SPOCK1: variants seen among roughly 807,000 people sequenced by gnomAD.
The protein encoded by SPOCK1 is SPARC (osteonectin), cwcv and kazal like domains proteoglycan 1.
In SPOCK1, 23 loss-of-function variants were observed where a neutral mutation model predicts 55.3. The ratio of observed to expected loss-of-function variants is 0.42; its 90% CI spans 0.30 to 0.59. SPOCK1 has a LOEUF of 0.59. Ranked by LOEUF, SPOCK1 falls within the 20% of genes least tolerant of loss-of-function variation. The probability of loss-of-function intolerance (pLI) is 0.22; values close to 1 mark genes in which losing one functional copy is unlikely to be tolerated. For synonymous variants in SPOCK1, 226 were observed against 221.0 expected, an observed-to-expected ratio of 1.02 and a Z score of -0.20; for missense variants, 499 against 552.5, an observed-to-expected ratio of 0.90 and a Z score of 0.97.
At chr5:137,480,585 T>C (rs11748181) in intron 2 of SPOCK1, among the ~76,000 whole-genome samples, 1,751 of 152,230 alleles carry the variant, frequency 0.012, 14 homozygotes, top group Middle Eastern at 0.024. Flanking sequence ...CCAACTATCA[T>C]TACTGAGAGG....
At chr5:137,386,994 G>T (rs1220011412) in intron 2 of SPOCK1, among the ~76,000 whole-genome samples, 1 of 152,136 alleles carries the variant, frequency 6.6e-6, no homozygotes, top group Non-Finnish European at 1.5e-5. Flanking sequence ...AAAAAAATAA[G>T]TCAAAGACCT....
chr5:137,124,617 A>G (rs563581091), intron 4 of SPOCK1, among the ~76,000 whole-genome samples: 2 of 152,302 alleles, frequency 1.3e-5, no homozygotes, highest in South Asian at 4.1e-4. Flanking sequence ...CCTCATCGAG[A>G]CAGTCAGCAG....
chr5:137,287,173 A>G (rs1413616729), intron 2 of SPOCK1, among the ~76,000 whole-genome samples: 2 of 152,184 alleles, frequency 1.3e-5, no homozygotes, highest in Non-Finnish European at 2.9e-5. Context: ...ATGGGGACAT[A>G]CAAGTCCCCA....
intron 2 of SPOCK1, among the ~76,000 whole-genome samples, chr5:137,432,651 A>C (rs1752774184): frequency 6.6e-6 from 1 of 152,220 alleles, no homozygotes; most frequent in African/African-American, 2.4e-5. Context: ...GACGAAAAAA[A>C]TTCTGGAGCT....
intron 2 of SPOCK1, 73 bp downstream of exon 2, chr5:137,498,300 A>T (rs868253121): frequency 7.8e-7 from 1 of 1,273,890 alleles, no homozygotes; most frequent in Non-Finnish European, 1.0e-6. Flanking sequence ...ACACACACAC[A>T]CCCCAACCCC....
At chr5:137,284,055 T>C (rs1757219885) in intron 2 of SPOCK1, among the ~76,000 whole-genome samples, 1 of 152,210 alleles carries the variant, frequency 6.6e-6, no homozygotes. Context: ...TATTCCACAA[T>C]ATCAGCACAA....
intron 2 of SPOCK1, among the ~76,000 whole-genome samples, chr5:137,282,766 C>A (rs1757191624): frequency 6.6e-6 from 1 of 152,180 alleles, no homozygotes; most frequent in Non-Finnish European, 1.5e-5. Context: ...GCTATGGTAT[C>A]ATCTACTTTT....
chr5:137,043,745 G>A (rs552549876), intron 6 of SPOCK1, among the ~76,000 whole-genome samples: 1 of 152,240 alleles, frequency 6.6e-6, no homozygotes, highest in African/African-American at 2.4e-5. Flanking sequence ...CCAGTACTCA[G>A]AACTTTCAAG....
intron 3 of SPOCK1, among the ~76,000 whole-genome samples, chr5:137,175,893 C>T (rs1041180570): frequency 2.0e-5 from 3 of 152,096 alleles, no homozygotes; most frequent in African/African-American, 7.2e-5. Flanking sequence ...CAGGCAGCGA[C>T]TTCTTGGGGA....
At chr5:137,380,284 T>A (rs1751434722) in intron 2 of SPOCK1, among the ~76,000 whole-genome samples, 1 of 152,210 alleles carries the variant, frequency 6.6e-6, no homozygotes, top group Non-Finnish European at 1.5e-5. Flanking sequence ...AACAGAAAAC[T>A]CATTAATGCA....
intron 6 of SPOCK1, among the ~76,000 whole-genome samples, chr5:137,021,566 A>G (rs1751572640): frequency 6.6e-6 from 1 of 152,202 alleles, no homozygotes; most frequent in African/African-American, 2.4e-5. Flanking sequence ...TTTTATATTA[A>G]ATAAAATTCT....
intron 2 of SPOCK1, among the ~76,000 whole-genome samples, chr5:137,353,358 A>G (rs1199130050): frequency 6.6e-6 from 1 of 152,276 alleles, no homozygotes; most frequent in African/African-American, 2.4e-5. Context: ...TCCAGCCTGG[A>G]TGACAGAGCA....
intron 6 of SPOCK1, among the ~76,000 whole-genome samples, chr5:137,053,715 G>C (rs1005837761): frequency 1.3e-5 from 2 of 152,066 alleles, no homozygotes; most frequent in Admixed American, 6.5e-5. Context: ...AAGGGCTGCT[G>C]CAGCTCCACT....
intron 3 of SPOCK1, among the ~76,000 whole-genome samples, chr5:137,254,187 C>G (rs1319520077): frequency 6.6e-6 from 1 of 152,152 alleles, no homozygotes; most frequent in African/African-American, 2.4e-5. Context: ...TTATATTTTT[C>G]CCAAGGGTAT....
Position 137,459,887 on chromosome 5 carries a change from G to C in SPOCK1, c.186+38486C>G, listed in dbSNP as rs184462887. Among the ~76,000 whole-genome samples the C allele has an allele frequency of 3.3e-5, 5 of 152,320 alleles. No individual in the cohort carries two copies. The East Asian group carries it at 7.7e-4, about 24-fold the overall frequency. On this transcript the variant is annotated intron_variant, in intron 2 of 10. Coordinates refer to ENST00000394945, the MANE Select transcript of SPOCK1 (RefSeq NM_004598.4). Reference sequence around the variant, plus strand: ...AGGGGCAGGTTTGGAACTGGAAATTGAAGGTGTTCCTGGAGTGCTAGGATA... The same window carrying C: ...AGGGGCAGGTTTGGAACTGGAAATTCAAGGTGTTCCTGGAGTGCTAGGATA...
At chr5:137,277,298 A>G (rs1485199262) in intron 2 of SPOCK1, among the ~76,000 whole-genome samples, 1 of 152,172 alleles carries the variant, frequency 6.6e-6, no homozygotes, top group Non-Finnish European at 1.5e-5. Flanking sequence ...TACAGGCATG[A>G]GCTACTTTTG....
chr5:137,435,229 T>C (rs1205116159), intron 2 of SPOCK1, among the ~76,000 whole-genome samples: 1 of 152,254 alleles, frequency 6.6e-6, no homozygotes, highest in Non-Finnish European at 1.5e-5. Context: ...TACATTCACA[T>C]AGATAAACCT....
At chr5:137,241,771 C>G (rs73793430) in intron 3 of SPOCK1, among the ~76,000 whole-genome samples, 10,304 of 152,170 alleles carry the variant, frequency 0.068, 1,058 homozygotes, top group African/African-American at 0.23. Context: ...ATAAATTTCT[C>G]TTCATTATAT....
intron 6 of SPOCK1, among the ~76,000 whole-genome samples, chr5:137,027,805 C>T (rs1345726304): frequency 2.0e-5 from 3 of 152,138 alleles, no homozygotes; most frequent in Non-Finnish European, 4.4e-5. Flanking sequence ...CCCTCATTCT[C>T]TCTTGCACAA....
Sources: allele counts gnomAD v4.1 joint callset (sites outside exome capture counted in the v4.1 genomes callset), GRCh38; gene constraint gnomAD v4.1.1; transcripts MANE v1.5; gene names NCBI Gene and HGNC (gene_info 2026-07-23, HGNC 2026-07-21).